AKAP19: variants seen among roughly 807,000 people sequenced by gnomAD.
AKAP19 encodes small A-kinase anchoring protein.
chr2:189,923,398 G>T, the AKAP19 span: 1 of 1,613,236 alleles, frequency 6.2e-7, no homozygotes. Flanking sequence ...TATTCATTGG[G>T]AATCTCAACA....
chr2:189,964,547 T>C, the AKAP19 span, among the ~76,000 whole-genome samples: 1 of 152,250 alleles, frequency 6.6e-6, no homozygotes, highest in African/African-American at 2.4e-5. Flanking sequence ...GTATTTTTTG[T>C]TGATATTGAA....
the AKAP19 span, among the ~76,000 whole-genome samples, chr2:190,004,681 C>T: frequency 4.0e-5 from 6 of 151,760 alleles, no homozygotes; most frequent in East Asian, 1.9e-4. Flanking sequence ...TTGAGTTTCA[C>T]GGAACCTTGC....
chr2:190,014,555 A>G, the AKAP19 span, among the ~76,000 whole-genome samples: 3 of 152,086 alleles, frequency 2.0e-5, no homozygotes, highest in East Asian at 5.8e-4. Context: ...GCAAAGCCTA[A>G]CCACATCATT....
chr2:190,091,344 T>G, the AKAP19 span, among the ~76,000 whole-genome samples: 3 of 152,214 alleles, frequency 2.0e-5, no homozygotes, highest in Admixed American at 2.0e-4. Flanking sequence ...TTGACACATA[T>G]GAATTTATTT....
chr2:189,881,172 T>C, the AKAP19 span, among the ~76,000 whole-genome samples: 1 of 152,166 alleles, frequency 6.6e-6, no homozygotes, highest in African/African-American at 2.4e-5. Context: ...TTTCTCCCTT[T>C]ACAAACATAA....
the AKAP19 span, among the ~76,000 whole-genome samples, chr2:190,161,254 C>A: frequency 2.6e-5 from 4 of 152,164 alleles, no homozygotes; most frequent in African/African-American, 9.7e-5. Context: ...TCATTTCCTG[C>A]AGTGACATAT....
the AKAP19 span, chr2:190,057,146 G>C: frequency 8.9e-7 from 1 of 1,122,834 alleles, no homozygotes; most frequent in Non-Finnish European, 1.3e-6. Flanking sequence ...ATGCTTAAGT[G>C]ACTGTAGCAT....
the AKAP19 span, among the ~76,000 whole-genome samples, chr2:190,085,105 AG>A: frequency 6.6e-6 from 1 of 152,180 alleles, no homozygotes; most frequent in East Asian, 1.9e-4. Flanking sequence ...CCAGGAGAGG[AG>A]GACTCCCTTT....
chr2:189,893,799 A>G, the AKAP19 span, among the ~76,000 whole-genome samples: 1 of 152,214 alleles, frequency 6.6e-6, no homozygotes. Flanking sequence ...AAAAAATAAC[A>G]ATATAGGAGT....
the AKAP19 span, chr2:190,057,089 G>A: frequency 1.8e-5 from 12 of 668,664 alleles, no homozygotes; most frequent in East Asian, 3.1e-4. Flanking sequence ...ATGGTTAAAT[G>A]CCAACCATTG....
At chr2:189,907,949 TTC>T in the AKAP19 span, among the ~76,000 whole-genome samples, 26 of 152,224 alleles carry the variant, frequency 1.7e-4, no homozygotes, top group African/African-American at 6.3e-4. Context: ...TTTTTCTTTT[TTC>T]TGAGTCTAGC....
At chr2:190,095,327 G>A in the AKAP19 span, among the ~76,000 whole-genome samples, 1 of 152,222 alleles carries the variant, frequency 6.6e-6, no homozygotes, top group Admixed American at 6.5e-5. Flanking sequence ...GTGCAATGGA[G>A]TGAATGTTTA....
the AKAP19 span, among the ~76,000 whole-genome samples, chr2:189,978,561 G>A: frequency 3.9e-5 from 6 of 152,154 alleles, no homozygotes; most frequent in African/African-American, 1.4e-4. Context: ...AGTTTGCAGT[G>A]AGCTGAGATT....
At chr2:189,975,119 C>T in the AKAP19 span, among the ~76,000 whole-genome samples, 1 of 152,114 alleles carries the variant, frequency 6.6e-6, no homozygotes, top group Non-Finnish European at 1.5e-5. Context: ...TGGCTGGTAC[C>T]AGTTGTTCCT....
the AKAP19 span, among the ~76,000 whole-genome samples, chr2:189,949,631 C>CA: frequency 2.8e-4 from 33 of 117,772 alleles, 1 homozygote; most frequent in African/African-American, 9.1e-4. Flanking sequence ...CTTTTTCTTT[C>CA]TTTTTTTTTT....
the AKAP19 span, among the ~76,000 whole-genome samples, chr2:189,998,078 C>G: frequency 6.6e-6 from 1 of 152,172 alleles, no homozygotes; most frequent in Non-Finnish European, 1.5e-5. Context: ...TTCCAGTTCC[C>G]CAGTGAGTAT....
the AKAP19 span, among the ~76,000 whole-genome samples, chr2:190,005,273 T>C: frequency 6.6e-6 from 1 of 152,168 alleles, no homozygotes; most frequent in African/African-American, 2.4e-5. Flanking sequence ...TTTTATTCCC[T>C]TATTTGACCC....
the AKAP19 span, among the ~76,000 whole-genome samples, chr2:190,133,335 C>A: frequency 3.0e-5 from 4 of 133,574 alleles, no homozygotes; most frequent in Admixed American, 2.3e-4. Context: ...ATGAAAAAAA[C>A]ATGCTCAACA....
the AKAP19 span, among the ~76,000 whole-genome samples, chr2:189,949,279 C>T: frequency 0.016 from 2,455 of 152,198 alleles, 32 homozygotes; most frequent in Non-Finnish European, 0.025. Context: ...AAAAGCCGGG[C>T]GCGATGGCTC....
Sources: allele counts gnomAD v4.1 joint callset (sites outside exome capture counted in the v4.1 genomes callset), GRCh38; gene constraint gnomAD v4.1.1; transcripts MANE v1.5; gene names NCBI Gene and HGNC (gene_info 2026-07-23, HGNC 2026-07-21).